NPM1: variants seen among roughly 807,000 people sequenced by gnomAD.
NPM1 encodes the protein nucleophosmin.
NPM1 carries 1 observed loss-of-function variant against 44.1 expected under a neutral mutation model. That is an observed-to-expected ratio of 0.02 (90% CI 0.01 to 0.11). NPM1 has a LOEUF of 0.11. Among genes scored for constraint, NPM1 ranks in the 10% least tolerant of loss-of-function variants. The pLI, the probability that NPM1 is intolerant of heterozygous loss-of-function variation, is 1.00. For synonymous variants in NPM1, 126 were observed against 111.8 expected (o/e 1.13, Z -0.80); for missense variants, 197 against 347.8 (o/e 0.57, Z 3.45).
Position 171,410,646 on chromosome 5 carries a change from A to G in NPM1, c.*81A>G, listed in dbSNP as rs1271696160. On this transcript the variant is annotated 3_prime_UTR_variant, in exon 11 of 11. Coordinates refer to ENST00000296930, the MANE Select transcript of NPM1 (RefSeq NM_002520.7). Reference sequence around the variant, plus strand: ...CAGTTGATATCTGGCTGTCCTTTTTATAATGCAGAGTGAGAACTTTCCCTA... The same window carrying G: ...CAGTTGATATCTGGCTGTCCTTTTTGTAATGCAGAGTGAGAACTTTCCCTA... 3.9e-6 allele frequency: 3 copies of G among 769,102 alleles called. No individual in the cohort carries two copies. The highest frequency in any genetic ancestry group is 2.4e-5 in the Admixed American group (1 of 41,054). The allele number at this position is 769,102 out of a possible 1,614,324, so 47.6% of individuals were successfully genotyped here. A position where few individuals can be genotyped will look rare whatever the true frequency, so the allele number is the denominator to read the frequency against.
chr5:171,406,399 G>A lies in NPM1; in HGVS notation c.771+996G>A, dbSNP rs202084580. 145 of 1,612,366 alleles carry A rather than the reference G, an allele frequency of 9.0e-5. No individual in the cohort carries two copies. The Admixed American group carries it at 1.1e-3, about 13-fold the overall frequency. ...CTATCTCCTTGGTTTAATTGCAGGC[G>A]CATTGAACAGTCCTGGGCACTACAT... On this transcript the variant is annotated intron_variant, in intron 9 of 10. Transcript: ENST00000296930.
At chr5:171,400,984 T>C (rs1410498133) in intron 8 of NPM1, 59 bp downstream of exon 8, 21 of 1,146,504 alleles carry the variant, frequency 1.8e-5, no homozygotes, top group Non-Finnish European at 2.8e-5. Context: ...AAGATTCTAC[T>C]GTGGAAGAAT....
chr5:171,406,703 C>G (rs1771590819), intron 9 of NPM1: 3 of 1,207,576 alleles, frequency 2.5e-6, no homozygotes, highest in Non-Finnish European at 3.1e-6. Flanking sequence ...TCCTTAGCTG[C>G]TCAATAAATA....
At chr5:171,404,194 A>C (rs1238553622) in intron 8 of NPM1, among the ~76,000 whole-genome samples, 1 of 75,518 alleles carries the variant, frequency 1.3e-5, no homozygotes, top group Non-Finnish European at 2.5e-5. Flanking sequence ...CTGACCCCCC[A>C]CCTCCCTCCC....
At chr5:171,393,521 A>G (rs895556522) in intron 6 of NPM1, among the ~76,000 whole-genome samples, 2 of 152,232 alleles carry the variant, frequency 1.3e-5, no homozygotes, top group Admixed American at 6.5e-5. Flanking sequence ...ATGACTTTAT[A>G]TTAAACTAGA....
chr5:171,400,682 G>A (rs1003579771), intron 7 of NPM1, 157 bp from the exon 8 acceptor site: 4 of 544,080 alleles, frequency 7.4e-6, no homozygotes, highest in Non-Finnish European at 1.3e-5. Flanking sequence ...TCCTGACCTC[G>A]TGATCCACCT....
At position 171,392,940 on chromosome 5, in the gene NPM1, AGAT is replaced by A. The variant is rs764976369; in HGVS notation, c.492_494del (p.Asp168del). 58 of 1,610,658 alleles carry A rather than the reference AGAT, an allele frequency of 3.6e-5. 1 individual carries two copies. The highest frequency in any genetic ancestry group is 1.3e-4 in the African/African-American group (10 of 74,966). On this transcript the variant is annotated inframe_deletion, in exon 6 of 11. Transcript: ENST00000296930. ...AAAAAGTAAAACTTGCTGCTGATGAAGATGATGACGATGATGATGAAGAGGATG... is the reference window on the plus strand; with the variant it reads ...AAAAAGTAAAACTTGCTGCTGATGAAGATGACGATGATGATGAAGAGGATG...
At chr5:171,407,598 A>G in intron 9 of NPM1, 102 bp from the exon 10 acceptor site, 1 of 732,532 alleles carries the variant, frequency 1.4e-6, no homozygotes, top group Non-Finnish European at 2.4e-6. Flanking sequence ...AAAAGAATAA[A>G]CTGATCCATG....
chr5:171,391,910 T>G, intron 4 of NPM1, 111 bp downstream of exon 4: 1 of 548,196 alleles, frequency 1.8e-6, no homozygotes, highest in Non-Finnish European at 3.2e-6. Flanking sequence ...TTTTAATAGG[T>G]TCCAATGTGA....
chr5:171,408,542 AT>A (rs1771678845), intron 10 of NPM1, among the ~76,000 whole-genome samples: 1 of 151,944 alleles, frequency 6.6e-6, no homozygotes, highest in Non-Finnish European at 1.5e-5. Context: ...TTGCACTTCA[AT>A]TTTTAGTTTT....
rs944048921 is a variant in NPM1, at chr5:171,394,111, G to A, written c.524+1133G>A. Among the ~76,000 whole-genome samples, 55 of 140,122 alleles carry A rather than the reference G, an allele frequency of 3.9e-4. 1 individual carries two copies. Among genetic ancestry groups the A allele is most frequent in the Admixed American group, 3.8e-3 (49 of 12,820 alleles). 91.9% of individuals were successfully genotyped at this position (140,122 alleles called of 152,430 possible). ...GGCTGGAGTGCGGTGGCGCCATCTC[G>A]GCTCACCACAACCTCTGCCTCCTGG... is the stretch of plus-strand genomic sequence containing the variant. On this transcript the variant is annotated intron_variant, in intron 6 of 10. Coordinates refer to ENST00000296930, the MANE Select transcript of NPM1 (RefSeq NM_002520.7).
At chr5:171,400,057 T>C in intron 6 of NPM1, 96 bp from the exon 7 acceptor site, 1 of 745,918 alleles carries the variant, frequency 1.3e-6, no homozygotes, top group South Asian at 1.5e-5. Context: ...TCGATAAACA[T>C]GGGTGCACAA....
chr5:171,394,200 C>A (rs1438964045), intron 6 of NPM1, among the ~76,000 whole-genome samples: 4 of 151,794 alleles, frequency 2.6e-5, no homozygotes, highest in Admixed American at 2.0e-4. Context: ...GGGCACCATG[C>A]CCTGCTAATT....
At chr5:171,406,312 C>T (rs542466970) in intron 9 of NPM1, 2 of 1,202,008 alleles carry the variant, frequency 1.7e-6, no homozygotes, top group East Asian at 2.3e-5. Flanking sequence ...GATTTTTGTC[C>T]CTTGGATACA....
chr5:171,393,133 C>T (rs1052289897), intron 6 of NPM1, among the ~76,000 whole-genome samples, 155 bp downstream of exon 6: 1 of 152,186 alleles, frequency 6.6e-6, no homozygotes, highest in African/African-American at 2.4e-5. Context: ...CATCTGTTGT[C>T]AGTTTAAGTT....
chr5:171,387,473 C>A (rs1042803886), upstream of NPM1, among the ~76,000 whole-genome samples: 1 of 152,236 alleles, frequency 6.6e-6, no homozygotes, highest in Admixed American at 6.5e-5. Flanking sequence ...ATATCTTACA[C>A]AGCTAAGGGC....
intron 9 of NPM1, 52 bp from the exon 10 acceptor site, chr5:171,407,646 ATC>A (rs1474212556): frequency 1.1e-5 from 11 of 982,908 alleles, no homozygotes; most frequent in Admixed American, 9.0e-5. Flanking sequence ...TTCTAAAGGT[ATC>A]TCTCTCGGTG....
intron 6 of NPM1, 68 bp from the exon 7 acceptor site, chr5:171,400,085 C>T: frequency 1.1e-6 from 1 of 904,424 alleles, no homozygotes; most frequent in Non-Finnish European, 1.9e-6. Flanking sequence ...CTTCAAGGTC[C>T]TGCTTTCAAT....
intron 8 of NPM1, among the ~76,000 whole-genome samples, chr5:171,405,044 C>T (rs1323210534): frequency 6.6e-6 from 1 of 152,080 alleles, no homozygotes; most frequent in Non-Finnish European, 1.5e-5. Flanking sequence ...CTTAAGCAAT[C>T]CTCCTGCCTT....
Sources: gnomAD v4.1 joint callset for allele counts (sites outside exome capture counted in the v4.1 genomes callset) on GRCh38, gnomAD v4.1.1 for gene constraint, MANE v1.5 for transcripts, NCBI Gene and HGNC (gene_info 2026-07-23, HGNC 2026-07-21) for gene names.